MROH9: variants seen among roughly 807,000 people sequenced by gnomAD.
MROH9 encodes the protein maestro heat like repeat family member 9.
Under a neutral mutation model 98.2 loss-of-function variants are expected in MROH9, and 92 were observed. That is an observed-to-expected ratio of 0.94 (90% confidence interval 0.79 to 1.11). The LOEUF (loss-of-function observed/expected upper bound fraction) is 1.11. Among genes scored for constraint, MROH9 ranks in the 50% most tolerant of loss-of-function variants. The pLI is 0.00. For synonymous variants in MROH9, 397 were observed against 368.9 expected (o/e 1.08, Z -0.87); for missense variants, 1,057 against 1,014.8 (o/e 1.04, Z -0.57).
At chr1:170,995,023 C>T (rs1651506717) in intron 12 of MROH9, among the ~76,000 whole-genome samples, 1 of 151,920 alleles carries the variant, frequency 6.6e-6, no homozygotes. Flanking sequence ...TATCTCACTT[C>T]CTTGTATTGT....
chr1:170,939,320 C>T (rs757035739), intron 1 of MROH9, among the ~76,000 whole-genome samples: 2 of 152,202 alleles, frequency 1.3e-5, no homozygotes, highest in East Asian at 1.9e-4. Flanking sequence ...ATTCAGTGCT[C>T]GAAGTTCTGC....
At chr1:171,038,678 A>C (rs911238962) in intron 20 of MROH9, among the ~76,000 whole-genome samples, 3 of 152,206 alleles carry the variant, frequency 2.0e-5, no homozygotes, top group South Asian at 2.1e-4. Context: ...AGTAAAAGAC[A>C]AAAGATGTGC....
intron 8 of MROH9, among the ~76,000 whole-genome samples, chr1:170,980,753 G>T (rs114120429): frequency 0.018 from 2,690 of 152,204 alleles, 92 homozygotes; most frequent in African/African-American, 0.062. Context: ...TGCAAGAAAA[G>T]CCCAAATTGA....
intron 1 of MROH9, among the ~76,000 whole-genome samples, chr1:170,943,182 T>G (rs1282901509): frequency 1.3e-5 from 2 of 152,034 alleles, no homozygotes; most frequent in South Asian, 2.1e-4. Context: ...GATGAAAAAC[T>G]TTTTTAATTT....
At chr1:170,998,785 A>G in intron 15 of MROH9, 1 of 962,306 alleles carries the variant, frequency 1.0e-6, no homozygotes, top group African/African-American at 1.8e-5. Context: ...TTTACAAAAA[A>G]TAAAGGCTTT....
intron 20 of MROH9, among the ~76,000 whole-genome samples, chr1:171,039,336 T>C (rs1045957953): frequency 9.2e-5 from 14 of 152,154 alleles, no homozygotes; most frequent in African/African-American, 3.4e-4. Flanking sequence ...TTAAACAACA[T>C]AATAATTTAT....
In MROH9 at chr1:170,982,174, C is replaced by G. The variant is rs111536522; in HGVS notation, c.617-1248C>G. 9.8e-3 allele frequency among the ~76,000 whole-genome samples: 1,499 copies of G among 152,194 alleles called. 28 individuals are homozygous for G. Among genetic ancestry groups the G allele is most frequent in the African/African-American group, 0.034 (1,394 of 41,524 alleles). On this transcript the variant is annotated intron_variant, in intron 8 of 21. Transcript: ENST00000367759. ...TCATAACACCATTATTTGTAATAGC[C>G]TCAAACCGGAAACAACCTAAATGTC...
At chr1:171,056,762 C>T (rs546779298) in intron 20 of MROH9, among the ~76,000 whole-genome samples, 1 of 152,168 alleles carries the variant, frequency 6.6e-6, no homozygotes, top group African/African-American at 2.4e-5. Flanking sequence ...GGAGCAGGCA[C>T]CCATCTTTGC....
At position 170,986,615 on chromosome 1, in the gene MROH9, C is replaced by A; in HGVS notation, c.784C>A (p.Leu262Met). The A allele has an allele frequency of 6.2e-7, 1 of 1,613,762 alleles. No homozygotes were observed. Among genetic ancestry groups the A allele is most frequent in the Non-Finnish European group, 8.5e-7 (1 of 1,179,846 alleles). The change falls in exon 10 of 22, where the codon CTG (leucine) becomes ATG (methionine). Residue 262 changes from leucine to methionine, a missense_variant. By Grantham distance (15) the Leu-to-Met change is conservative (BLOSUM62 2). Coordinates refer to ENST00000367759, the MANE Select transcript of MROH9 (RefSeq NM_001163629.2). Reference protein sequence around the residue: ...PLLTDFVQSLLMKLSSPDDKI... With the variant: ...PLLTDFVQSLMMKLSSPDDKI... ...GCTGACTGACTTTGTGCAGAGTCTC[C>A]TGATGAAACTCTCTTCACCTGATGA...
chr1:171,012,775 T>G (rs1161710908), intron 15 of MROH9, among the ~76,000 whole-genome samples: 1 of 152,140 alleles, frequency 6.6e-6, no homozygotes, highest in Non-Finnish European at 1.5e-5. Flanking sequence ...AGCGCTGGGA[T>G]TACAGGCATG....
At chr1:170,945,361 T>C (rs1649287967) in intron 1 of MROH9, among the ~76,000 whole-genome samples, 159 bp from the exon 2 acceptor site, 1 of 152,066 alleles carries the variant, frequency 6.6e-6, no homozygotes, top group South Asian at 2.1e-4. Context: ...AATAACAACA[T>C]ATTTTTAAGC....
chr1:171,003,893 A>G (rs759482861), intron 15 of MROH9, among the ~76,000 whole-genome samples: 1 of 150,922 alleles, frequency 6.6e-6, no homozygotes, highest in Non-Finnish European at 1.5e-5. Flanking sequence ...CTGAGCTCAG[A>G]CTCCCCTTGG....
At chr1:170,967,851 G>A (rs537581781) in intron 7 of MROH9, among the ~76,000 whole-genome samples, 2 of 152,142 alleles carry the variant, frequency 1.3e-5, no homozygotes, top group African/African-American at 4.8e-5. Flanking sequence ...TCCTAGCTTT[G>A]TTCCTTTGGC....
chr1:170,957,528 A>G (rs1206294005), intron 3 of MROH9, among the ~76,000 whole-genome samples: 1 of 152,096 alleles, frequency 6.6e-6, no homozygotes, highest in African/African-American at 2.4e-5. Context: ...CAATTTGTCT[A>G]TGAGTCTGTT....
chr1:170,971,412 T>G (rs1650451476), intron 7 of MROH9, among the ~76,000 whole-genome samples: 1 of 152,286 alleles, frequency 6.6e-6, no homozygotes, highest in Non-Finnish European at 1.5e-5. Flanking sequence ...TCCTGGGAAT[T>G]TGCTACCTGC....
At position 170,998,187 on chromosome 1, in the gene MROH9, G is replaced by C. The variant is rs373612206; in HGVS notation, c.1509G>C (p.Pro503=). 1.9e-5 allele frequency: 30 copies of C among 1,609,902 alleles called. No individual in the cohort carries two copies. The East Asian group carries it at 4.9e-4, about 26-fold the overall frequency. ...TLSEYNFPQF[P]ETLSYLYKLS... is the part of the protein sequence containing the mutation. ...GTGAATATAACTTTCCACAGTTTCCGGAGACCCTGAGTTATCTCTATAAGC... is the reference window on the plus strand; with the variant it reads ...GTGAATATAACTTTCCACAGTTTCCCGAGACCCTGAGTTATCTCTATAAGC... The change falls in exon 15 of 22, where the codon CCG becomes CCC. Residue 503 remains proline, a synonymous_variant. Coordinates refer to ENST00000367759, the MANE Select transcript of MROH9 (RefSeq NM_001163629.2).
At chr1:171,008,602 G>A (rs1189880136) in intron 15 of MROH9, among the ~76,000 whole-genome samples, 1 of 152,186 alleles carries the variant, frequency 6.6e-6, no homozygotes, top group Non-Finnish European at 1.5e-5. Flanking sequence ...ATACTATGTT[G>A]CCATAAAAAT....
At chr1:171,015,268 A>C in intron 16 of MROH9, 1 of 313,614 alleles carries the variant, frequency 3.2e-6, no homozygotes, top group Admixed American at 4.5e-5. Flanking sequence ...AGTGGTGTAC[A>C]TTATCTTAGT....
chr1:170,951,244 T>C (rs1294949286), intron 3 of MROH9, among the ~76,000 whole-genome samples: 1 of 152,092 alleles, frequency 6.6e-6, no homozygotes, highest in Non-Finnish European at 1.5e-5. Flanking sequence ...AGTTATGGCA[T>C]TCCAATTACA....
Sources: gnomAD v4.1 joint callset for allele counts (sites outside exome capture counted in the v4.1 genomes callset) on GRCh38, gnomAD v4.1.1 for gene constraint, MANE v1.5 for transcripts, NCBI Gene and HGNC (gene_info 2026-07-23, HGNC 2026-07-21) for gene names.